The following ARHGEF4 variants were observed in gnomAD, a reference collection of about 807,000 sequenced individuals.
The protein encoded by ARHGEF4 is APC-stimulated guanine nucleotide exchange factor 1.
ARHGEF4 carries 119 observed loss-of-function variants against 162.0 expected under a neutral mutation model. The ratio of observed to expected loss-of-function variants is 0.73; its 90% CI spans 0.63 to 0.86. ARHGEF4 has a LOEUF of 0.86. Among genes scored for constraint, ARHGEF4 ranks in the 40% least tolerant of loss-of-function variants. The probability of loss-of-function intolerance (pLI) is 0.00; values close to 1 mark genes in which losing one functional copy is unlikely to be tolerated. For synonymous variants in ARHGEF4, 1,014 were observed against 979.9 expected (o/e 1.03, Z -0.65); for missense variants, 2,488 against 2,456.0 (o/e 1.01, Z -0.28).
intron 13 of ARHGEF4, 32 bp from the exon 14 acceptor site, chr2:131,046,006 C>T (rs777733264): frequency 1.5e-5 from 24 of 1,593,894 alleles, no homozygotes; most frequent in Non-Finnish European, 1.9e-5. Flanking sequence ...GCCCTGGGCA[C>T]CCATGACCCT....
intron 5 of ARHGEF4, chr2:131,034,859 T>C (rs1439080307): frequency 2.2e-6 from 1 of 458,434 alleles, no homozygotes; most frequent in Non-Finnish European, 2.9e-6. Context: ...CCGCGGTCCC[T>C]CTGAGCCTCT....
Position 131,041,894 on chromosome 2 carries a change from G to A in ARHGEF4, c.4975G>A (p.Glu1659Lys). 1.2e-6 allele frequency: 2 copies of A among 1,613,686 alleles called. No homozygotes were observed. The highest frequency in any genetic ancestry group is 1.7e-6 in the Non-Finnish European group (2 of 1,180,026). ...CATCAACGAGCGGAAGCGGAGACTT[G>A]AGAACATCGACAAGATTGCTCAGTG... ...QLINERKRRL[E>K]NIDKIAQWQS... The change falls in exon 10 of 14, where the codon GAG (glutamate) becomes AAG (lysine). Residue 1659 changes from glutamate (E) to lysine (K), a missense_variant. Glu to Lys is a moderately conservative substitution (Grantham distance 56). Transcript: ENST00000409359.
intron 1 of ARHGEF4, among the ~76,000 whole-genome samples, chr2:130,843,733 A>G (rs561012745): frequency 6.6e-6 from 1 of 152,284 alleles, no homozygotes; most frequent in African/African-American, 2.4e-5. Context: ...GCATCTCCAA[A>G]GGTTGTTCTC....
At chr2:130,924,889 A>G (rs1347793137) in intron 2 of ARHGEF4, among the ~76,000 whole-genome samples, 1 of 152,160 alleles carries the variant, frequency 6.6e-6, no homozygotes, top group Admixed American at 6.5e-5. Context: ...TTGTCTATCA[A>G]GGATTGGACC....
chr2:131,005,199 G>C (rs1688042634), intron 4 of ARHGEF4, among the ~76,000 whole-genome samples: 1 of 152,238 alleles, frequency 6.6e-6, no homozygotes. Flanking sequence ...GCAGTCAGCA[G>C]TGGGCTGATA....
At chr2:131,003,947 T>A (rs903972954) in intron 4 of ARHGEF4, among the ~76,000 whole-genome samples, 3 of 152,112 alleles carry the variant, frequency 2.0e-5, no homozygotes, top group Non-Finnish European at 2.9e-5. Flanking sequence ...ACAGGACTTT[T>A]AAAAAAATCC....
intron 11 of ARHGEF4, among the ~76,000 whole-genome samples, chr2:131,044,005 G>A (rs540456759): frequency 6.6e-6 from 1 of 152,252 alleles, no homozygotes; most frequent in South Asian, 2.1e-4. Context: ...TTGTCCACGG[G>A]TGATCTTTCC....
At chr2:130,891,674 G>T (rs775161730) in intron 1 of ARHGEF4, among the ~76,000 whole-genome samples, 2 of 152,184 alleles carry the variant, frequency 1.3e-5, no homozygotes, top group Non-Finnish European at 2.9e-5. Context: ...CTCACATGAT[G>T]TTGCTTCTGT....
chr2:131,027,882 G>A (rs1412554657), intron 4 of ARHGEF4, 63 bp from the exon 5 acceptor site: 14 of 1,592,380 alleles, frequency 8.8e-6, no homozygotes, highest in East Asian at 2.2e-5. Context: ...CCTTCTCCAC[G>A]TGTTCTCCCC....
In ARHGEF4 at chr2:130,978,102, C is replaced by T. The variant is rs536842440; in HGVS notation, c.3985+31467C>T. Reference sequence around the variant, plus strand: ...GGAAGGAACTCATATCAAACAAATACAAGTTTCAAGCTTTAACAGCAGAAG... The same window carrying T: ...GGAAGGAACTCATATCAAACAAATATAAGTTTCAAGCTTTAACAGCAGAAG... On this transcript the variant is annotated intron_variant, in intron 4 of 13. Coordinates refer to ENST00000409359, the MANE Select transcript of ARHGEF4 (RefSeq NM_001367493.1). Among the ~76,000 whole-genome samples, 5 of 152,292 alleles carry T rather than the reference C, an allele frequency of 3.3e-5. No individual in the cohort carries two copies. The South Asian group carries it at 1.0e-3, about 32-fold the overall frequency.
intron 4 of ARHGEF4, among the ~76,000 whole-genome samples, chr2:130,970,211 T>G (rs946548904): frequency 6.6e-5 from 10 of 152,228 alleles, no homozygotes; most frequent in African/African-American, 2.4e-4. Context: ...TAAGAAACTG[T>G]CAACTCTTTC....
At chr2:130,923,214 G>A (rs1553514221) in intron 2 of ARHGEF4, among the ~76,000 whole-genome samples, 1 of 152,232 alleles carries the variant, frequency 6.6e-6, no homozygotes, top group Non-Finnish European at 1.5e-5. Context: ...ACAGGCGTGA[G>A]CCATCGCGCC....
chr2:130,903,093 T>C lies in ARHGEF4; in HGVS notation c.40-10893T>C, dbSNP rs1454062812. 2.7e-5 allele frequency among the ~76,000 whole-genome samples: 4 copies of C among 150,078 alleles called. No homozygotes were observed. The East Asian group carries it at 8.0e-4, about 30-fold the overall frequency. On this transcript the variant is annotated intron_variant, in intron 1 of 13. Transcript: ENST00000409359. ...ATAGTTTGCAGTTATAAAATTTCCC[T>C]CTGCTGTTCTTTATATCTTCTGCTT... is the stretch of plus-strand genomic sequence containing the variant.
intron 2 of ARHGEF4, among the ~76,000 whole-genome samples, chr2:130,925,096 G>A (rs1682163588): frequency 6.6e-6 from 1 of 151,674 alleles, no homozygotes; most frequent in East Asian, 1.9e-4. Flanking sequence ...GAGAGAGAGA[G>A]AGAGAGAGAA....
rs375257190 is a variant in ARHGEF4, at chr2:131,041,222, C to G, written c.4663-8C>G. ...AGAGCTCTGCTAACCTCCAGCTGTG[C>G]CCCTTAGCAAGCCGACTTCCAGATC... On this transcript the variant is annotated splice_polypyrimidine_tract_variant and splice_region_variant and intron_variant, in intron 8 of 13. Coordinates refer to ENST00000409359, the MANE Select transcript of ARHGEF4 (RefSeq NM_001367493.1). 56 of 1,610,762 alleles carry G rather than the reference C, an allele frequency of 3.5e-5. No homozygotes were observed. The highest frequency in any genetic ancestry group is 6.7e-5 in the Admixed American group (4 of 59,804).
At chr2:131,000,926 G>A (rs974627967) in intron 4 of ARHGEF4, among the ~76,000 whole-genome samples, 1 of 152,150 alleles carries the variant, frequency 6.6e-6, no homozygotes, top group African/African-American at 2.4e-5. Context: ...AGTAGTGGCG[G>A]ACTTAGTAGA....
At chr2:130,853,427 G>A (rs537814197) in intron 1 of ARHGEF4, among the ~76,000 whole-genome samples, 1 of 152,146 alleles carries the variant, frequency 6.6e-6, no homozygotes, top group African/African-American at 2.4e-5. Flanking sequence ...AAGGCATCTC[G>A]TGCAGCCACC....
chr2:130,873,623 T>C (rs1224811348), intron 1 of ARHGEF4, among the ~76,000 whole-genome samples: 3 of 151,810 alleles, frequency 2.0e-5, no homozygotes, highest in African/African-American at 7.3e-5. Context: ...GAAGACCCAC[T>C]TTTTACTTAG....
Position 130,915,714 on chromosome 2 carries a change from A to C in ARHGEF4, c.1768A>C (p.Lys590Gln). The C allele has an allele frequency of 6.5e-7, 1 of 1,549,968 alleles. No individual in the cohort carries two copies. Among genetic ancestry groups the C allele is most frequent in the African/African-American group, 1.4e-5 (1 of 73,118 alleles). ...EQALQGLSEFKAATVSHCGPG... is the reference protein window; with the variant it reads ...EQALQGLSEFQAATVSHCGPG... ...GGCTTTGCAAGGTCTTTCAGAATTCAAGGCAGCCACGGTGTCTCACTGCGG... is the reference window on the plus strand; with the variant it reads ...GGCTTTGCAAGGTCTTTCAGAATTCCAGGCAGCCACGGTGTCTCACTGCGG... Residue 590 changes from lysine (K) to glutamine (Q), a missense_variant, in exon 2 of 14, where the codon AAG becomes CAG. Lys to Gln is a moderately conservative substitution (Grantham distance 53). This residue lies in a region of ARHGEF4 where 1,642 missense variants were observed against 1,481.5 expected (regional missense o/e 1.11). Coordinates refer to ENST00000409359, the MANE Select transcript of ARHGEF4 (RefSeq NM_001367493.1).
Sources: gnomAD v4.1 joint callset for allele counts (sites outside exome capture counted in the v4.1 genomes callset) on GRCh38, gnomAD v4.1.1 for gene constraint, gnomAD v4.1.1 regional missense constraint, MANE v1.5 for transcripts, NCBI Gene and HGNC (gene_info 2026-07-23, HGNC 2026-07-21) for gene names.